Variants in DHRSX observed in about 807,000 individuals in gnomAD.
The protein encoded by DHRSX is dehydrogenase/reductase X-linked, also known as polyprenol dehydrogenase.
In DHRSX, 31 loss-of-function variants were observed where a neutral mutation model predicts 34.0. That is an observed-to-expected ratio of 0.91 (90% CI 0.69 to 1.23). DHRSX has a LOEUF of 1.23. DHRSX is among the 50% of genes most tolerant of loss of function. The pLI is 0.00. For missense variants in DHRSX, 414 were observed against 428.1 expected (o/e 0.97, Z 0.29); for synonymous variants, 201 against 183.8 (o/e 1.09, Z -0.76).
intron 4 of DHRSX, among the ~76,000 whole-genome samples, chrX:2,267,523 G>A (rs2041491199): frequency 7.0e-6 from 1 of 142,164 alleles, no homozygotes; most frequent in African/African-American, 2.7e-5. Flanking sequence ...CCAGCCTGGT[G>A]ACAGAGCGAG....
At chrX:2,232,424 C>G (rs933361383) in intron 6 of DHRSX, among the ~76,000 whole-genome samples, 1 of 151,972 alleles carries the variant, frequency 6.6e-6, no homozygotes, top group Non-Finnish European at 1.5e-5. Flanking sequence ...TTGTCCACAG[C>G]CCCAAAGCTG....
rs190280808 is a variant in DHRSX at position 2,271,291 on chromosome X, G to A, written c.389-4344C>T. On this transcript the variant is annotated intron_variant, in intron 4 of 6. Transcript: ENST00000334651. ...CCTAACACTCACCGTGAGGGTCTGC[G>A]GCTTCATTCTTGAAGTCAGCGAGAC... Among the ~76,000 whole-genome samples the A allele has an allele frequency of 5.1e-4, 77 of 152,282 alleles. 1 individual carries two copies. In the East Asian group the frequency reaches 0.012, roughly 24 times the overall value.
chrX:2,333,842 G>A (rs2042514904), intron 3 of DHRSX, among the ~76,000 whole-genome samples: 1 of 152,056 alleles, frequency 6.6e-6, no homozygotes, highest in African/African-American at 2.4e-5. Context: ...GAGAACATGC[G>A]ATATTTGCTT....
intron 6 of DHRSX, among the ~76,000 whole-genome samples, chrX:2,232,303 C>A (rs1409208183): frequency 6.7e-6 from 1 of 149,718 alleles, no homozygotes. Flanking sequence ...TGGGGGATTC[C>A]TGAATGAACT....
At chrX:2,392,520 T>C (rs1243876320) in intron 3 of DHRSX, 1 of 226,820 alleles carries the variant, frequency 4.4e-6, no homozygotes, top group Non-Finnish European at 8.6e-6. Flanking sequence ...TTTATGTATA[T>C]ATTAATTTTA....
At chrX:2,483,482 T>C (rs1403448622) in intron 1 of DHRSX, among the ~76,000 whole-genome samples, 2 of 152,084 alleles carry the variant, frequency 1.3e-5, no homozygotes. Flanking sequence ...TTGCCCAGGC[T>C]GGTCTCAAAC....
intron 5 of DHRSX, among the ~76,000 whole-genome samples, chrX:2,262,600 G>A (rs1307782350): frequency 4.6e-5 from 7 of 152,176 alleles, no homozygotes; most frequent in Non-Finnish European, 8.8e-5. Flanking sequence ...ACACAGGCAC[G>A]CACACATGCC....
intron 1 of DHRSX, chrX:2,489,624 C>T (rs2045067577): frequency 1.2e-6 from 2 of 1,612,646 alleles, no homozygotes; most frequent in Admixed American, 3.3e-5. Context: ...AACTGCTGCT[C>T]CTTGAGGCGC....
chrX:2,389,285 A>G (rs956964284), intron 3 of DHRSX, among the ~76,000 whole-genome samples: 4 of 151,822 alleles, frequency 2.6e-5, no homozygotes, highest in African/African-American at 2.4e-5. Context: ...TCATGGGGGG[A>G]AAGAGAGGGA....
intron 3 of DHRSX, among the ~76,000 whole-genome samples, chrX:2,352,356 G>A (rs894549686): frequency 2.0e-5 from 3 of 152,024 alleles, no homozygotes; most frequent in African/African-American, 7.2e-5. Flanking sequence ...TCAGTGATCC[G>A]CAAGCAGATT....
At position 2,384,979 on chromosome X, in the gene DHRSX, T is replaced by C. The variant is rs771930500; in HGVS notation, c.286+23766A>G. 5.3e-5 allele frequency among the ~76,000 whole-genome samples: 8 copies of C among 151,794 alleles called. No individual in the cohort carries two copies. The East Asian group carries it at 1.5e-3, about 29-fold the overall frequency. ...TATATATATACATTTGCTGCGCACC[T>C]GTAGTCCCAGCTGCTCGGGAGGCTG... On this transcript the variant is annotated intron_variant, in intron 3 of 6. Transcript: ENST00000334651.
At chrX:2,343,219 T>A (rs1033332196) in intron 3 of DHRSX, among the ~76,000 whole-genome samples, 2 of 152,180 alleles carry the variant, frequency 1.3e-5, no homozygotes, top group Admixed American at 1.3e-4. Flanking sequence ...AACCCTTAAA[T>A]GTGCTTAGTC....
At chrX:2,224,035 G>A (rs1295240877) in intron 6 of DHRSX, among the ~76,000 whole-genome samples, 1 of 152,200 alleles carries the variant, frequency 6.6e-6, no homozygotes, top group East Asian at 1.9e-4. Flanking sequence ...ACCTCACGCT[G>A]GTGCCTGAGA....
chrX:2,345,940 A>T, intron 3 of DHRSX, among the ~76,000 whole-genome samples: 1 of 152,286 alleles, frequency 6.6e-6, no homozygotes, highest in South Asian at 2.1e-4. Flanking sequence ...GCTTTCTATC[A>T]GTACACACAT....
intron 2 of DHRSX, among the ~76,000 whole-genome samples, chrX:2,421,824 A>G (rs533839285): frequency 6.6e-6 from 1 of 152,352 alleles, no homozygotes; most frequent in Admixed American, 6.5e-5. Flanking sequence ...ATTTAAACGC[A>G]TGAGTATATC....
intron 6 of DHRSX, among the ~76,000 whole-genome samples, chrX:2,239,407 A>G (rs1307950412): frequency 6.8e-6 from 1 of 147,314 alleles, no homozygotes; most frequent in Non-Finnish European, 1.5e-5. Context: ...CGTTTCTACA[A>G]AAAAAAAAAA....
At chrX:2,297,211 C>T (rs1169321057) in intron 3 of DHRSX, among the ~76,000 whole-genome samples, 1 of 152,142 alleles carries the variant, frequency 6.6e-6, no homozygotes, top group African/African-American at 2.4e-5. Flanking sequence ...CAGCCTCCAC[C>T]TCCCGAATTC....
intron 3 of DHRSX, among the ~76,000 whole-genome samples, chrX:2,355,347 AC>A (rs1178573873): frequency 6.6e-6 from 1 of 151,982 alleles, no homozygotes; most frequent in African/African-American, 2.4e-5. Flanking sequence ...GCCTGTTTCT[AC>A]AAAAAATACA....
chrX:2,474,603 C>T (rs1190609647), intron 1 of DHRSX, among the ~76,000 whole-genome samples: 2 of 151,206 alleles, frequency 1.3e-5, no homozygotes, highest in South Asian at 2.1e-4. Flanking sequence ...AAGCTTGTGG[C>T]TAAGGGACGG....
Sources: gnomAD v4.1 joint callset for allele counts (sites outside exome capture counted in the v4.1 genomes callset) on GRCh38, gnomAD v4.1.1 for gene constraint, MANE v1.5 for transcripts, NCBI Gene and HGNC (gene_info 2026-07-23, HGNC 2026-07-21) for gene names.